C11orf52: variants seen among roughly 807,000 people sequenced by gnomAD.
The protein encoded by C11orf52 is chromosome 11 open reading frame 52.
A neutral mutation model predicts 11.7 loss-of-function variants in C11orf52; 9 were observed. The observed-to-expected ratio is 0.77, with a 90% confidence interval of 0.46 to 1.34. C11orf52 has a LOEUF of 1.34. C11orf52 is among the 40% of genes most tolerant of loss of function. C11orf52 has a pLI of 0.00. For synonymous variants in C11orf52, 49 were observed against 57.4 expected (o/e 0.85, Z 0.66); for missense variants, 139 against 154.8 (o/e 0.90, Z 0.54).
At chr11:111,921,402 A>G (rs899069336) in intron 1 of C11orf52, among the ~76,000 whole-genome samples, 16 of 152,246 alleles carry the variant, frequency 1.1e-4, no homozygotes, top group Non-Finnish European at 2.2e-4. Context: ...ATTAATGGGA[A>G]ATACGTAGCC....
chr11:111,920,624 C>T (rs782017892), intron 1 of C11orf52, among the ~76,000 whole-genome samples: 3 of 151,390 alleles, frequency 2.0e-5, no homozygotes, highest in South Asian at 2.1e-4. Flanking sequence ...ATTAGCTAGG[C>T]GTGGTGGTGC....
Position 111,924,328 on chromosome 11 carries a change from G to A in C11orf52, c.35G>A (p.Ser12Asn), listed in dbSNP as rs782794093. The part of the protein sequence containing the change: ...GNRVCCGGSW[S>N]CPSTFQKKKK... ...GTGATCTGTTTTTCCTATTACAGGA[G>A]CTGCCCATCAACTTTCCAGAAGAAA... is the stretch of plus-strand genomic sequence containing the variant. Residue 12 changes from serine to asparagine, a missense_variant and splice_region_variant, in exon 2 of 4, where the codon AGC becomes AAC. Physicochemically the swap from Ser to Asn is conservative, Grantham distance 46. Coordinates refer to ENST00000278601, the MANE Select transcript of C11orf52 (RefSeq NM_080659.3). 3 of 1,613,480 alleles carry A rather than the reference G, an allele frequency of 1.9e-6. No individual in the cohort carries two copies. The highest frequency in any genetic ancestry group is 4.5e-5 in the East Asian group (2 of 44,864).
At chr11:111,921,005 G>C (rs1566424740) in intron 1 of C11orf52, among the ~76,000 whole-genome samples, 1 of 151,990 alleles carries the variant, frequency 6.6e-6, no homozygotes, top group Non-Finnish European at 1.5e-5. Context: ...TTATCTGTGG[G>C]GTTGTTACTA....
At chr11:111,923,086 G>C (rs1205769752) in intron 1 of C11orf52, among the ~76,000 whole-genome samples, 2 of 152,144 alleles carry the variant, frequency 1.3e-5, no homozygotes, top group African/African-American at 2.4e-5. Context: ...AATATTTTCT[G>C]TATCCATTTA....
chr11:111,919,262 C>T (rs1555166325), intron 1 of C11orf52: 1 of 493,320 alleles, frequency 2.0e-6, no homozygotes, highest in African/African-American at 1.9e-5. Context: ...ATCACGAGGT[C>T]AGTAGATCGA....
chr11:111,924,150 A>T (rs1371090750), intron 1 of C11orf52, 176 bp from the exon 2 acceptor site: 2 of 612,412 alleles, frequency 3.3e-6, no homozygotes, highest in Non-Finnish European at 5.8e-6. Flanking sequence ...CATGTGGGAG[A>T]GGTGTGGTAC....
Position 111,925,633 on chromosome 11 carries a change from G to A in C11orf52, c.71-20G>A. ...GACAGGGAAGAGAGAATAAACTTAA[G>A]TTGGATTTCTTCCCCTCAGGAAGCC... On this transcript the variant is annotated intron_variant, in intron 2 of 3. Coordinates refer to ENST00000278601, the MANE Select transcript of C11orf52 (RefSeq NM_080659.3). The A allele has an allele frequency of 6.2e-7, 1 of 1,613,242 alleles. No homozygotes were observed. The highest frequency in any genetic ancestry group is 8.5e-7 in the Non-Finnish European group (1 of 1,179,168).
chr11:111,923,295 C>A (rs1555166684), intron 1 of C11orf52, among the ~76,000 whole-genome samples: 2 of 152,202 alleles, frequency 1.3e-5, no homozygotes, highest in Non-Finnish European at 2.9e-5. Context: ...GTCAACTGAG[C>A]AAGCTGTAGC....
Position 111,926,540 on chromosome 11 carries a change from G to A in C11orf52, c.*341G>A, listed in dbSNP as rs910293894. ...GAGCAGGTAAAAAGTTAGCCCATAAGCACGTGGGCTGATCTTGTTGGACTT... is the reference window on the plus strand; with the variant it reads ...GAGCAGGTAAAAAGTTAGCCCATAAACACGTGGGCTGATCTTGTTGGACTT... On this transcript the variant is annotated 3_prime_UTR_variant, in exon 4 of 4. Transcript: ENST00000278601. 40 of 324,028 alleles carry A rather than the reference G, an allele frequency of 1.2e-4. No homozygotes were observed. The highest frequency in any genetic ancestry group is 3.5e-5 in the Non-Finnish European group (6 of 172,758). 20.1% of individuals were successfully genotyped at this position (324,028 alleles called of 1,614,324 possible).
Position 111,926,413 on chromosome 11 carries a change from G to A in C11orf52, c.*214G>A, listed in dbSNP as rs1392580317. 1.8e-5 allele frequency: 12 copies of A among 683,524 alleles called. No homozygotes were observed. The East Asian group carries it at 2.8e-4, about 16-fold the overall frequency. 42.3% of individuals were successfully genotyped at this position (683,524 alleles called of 1,614,324 possible). ...GTTAATAGTTGGTTTAGCTATGGGT[G>A]GATAGCTAAACTTAGCTATCCACAT... On this transcript the variant is annotated 3_prime_UTR_variant, in exon 4 of 4. Transcript: ENST00000278601.
At chr11:111,920,598 T>C (rs1555166479) in intron 1 of C11orf52, among the ~76,000 whole-genome samples, 2 of 151,430 alleles carry the variant, frequency 1.3e-5, no homozygotes, top group East Asian at 3.9e-4. Context: ...GCCCCATCTC[T>C]ACAAAAAAAT....
intron 1 of C11orf52, among the ~76,000 whole-genome samples, chr11:111,921,638 C>T (rs782789900): frequency 5.9e-5 from 9 of 152,152 alleles, no homozygotes; most frequent in Non-Finnish European, 1.0e-4. Context: ...GGAGATGTAA[C>T]AGCTTCTTTT....
At position 111,924,393 on chromosome 11, in the gene C11orf52, G is replaced by T. The variant is rs587735907; in HGVS notation, c.70+30G>T. On this transcript the variant is annotated intron_variant, in intron 2 of 3. Transcript: ENST00000278601. ...CTTTGGGGCTGGGGGAGGGAATCTG[G>T]GGGAGGCAAATTAGAGAAGACAATA... The T allele has an allele frequency of 4.4e-6, 7 of 1,594,010 alleles. No homozygotes were observed. In the Admixed American group the frequency reaches 8.4e-5, roughly 19 times the overall value.
intron 1 of C11orf52, among the ~76,000 whole-genome samples, chr11:111,920,445 C>G (rs1007330250): frequency 6.6e-6 from 1 of 151,488 alleles, no homozygotes. Context: ...AGCTAAGGCA[C>G]GAGAATCCCT....
At position 111,926,239 on chromosome 11, in the gene C11orf52, A is replaced by G. The variant is rs781807003; in HGVS notation, c.*40A>G. ...GGCCCAGTCCATCGTTAACCACTAC[A>G]CCTGTGGGGGAGAACCTACTGCTTT... On this transcript the variant is annotated 3_prime_UTR_variant, in exon 4 of 4. Coordinates refer to ENST00000278601, the MANE Select transcript of C11orf52 (RefSeq NM_080659.3). 3.1e-6 allele frequency: 5 copies of G among 1,605,558 alleles called. No homozygotes were observed. The Admixed American group carries it at 8.4e-5, about 27-fold the overall frequency.
At chr11:111,919,122 G>A in intron 1 of C11orf52, 118 bp downstream of exon 1, 1 of 1,119,604 alleles carries the variant, frequency 8.9e-7, no homozygotes. Context: ...ACCTTCCTCT[G>A]CCTGGTACCT....
At position 111,926,157 on chromosome 11, in the gene C11orf52, G is replaced by A; in HGVS notation, c.330G>A (p.Gln110=). The A allele has an allele frequency of 6.2e-7, 1 of 1,614,236 alleles. No homozygotes were observed. The highest frequency in any genetic ancestry group is 8.5e-7 in the Non-Finnish European group (1 of 1,180,048). Residue 110 remains glutamine (Q), a synonymous_variant, in exon 4 of 4, where the codon CAG becomes CAA. Transcript: ENST00000278601. ...ATEYATLRFP[Q]ATPRYDSKNG... is the part of the protein sequence containing the mutation. ...AGTATGCGACCCTTCGCTTCCCCCA[G>A]GCCACACCTCGCTATGACAGCAAGA...
In C11orf52 at chr11:111,926,025, T is replaced by A. The variant is rs1319681121; in HGVS notation, c.198T>A (p.Ser66Arg). The A allele has an allele frequency of 2.5e-6, 4 of 1,613,740 alleles. No individual in the cohort carries two copies. In the African/African-American group the frequency reaches 5.3e-5, roughly 22 times the overall value. Reference sequence around the variant, plus strand: ...AGCAGCAAGGGTCTCAAGAGAGGAGTCCAGGCCTCATGTCGGAAGACAGCA... The same window carrying A: ...AGCAGCAAGGGTCTCAAGAGAGGAGACCAGGCCTCATGTCGGAAGACAGCA... ...VLQQQGSQER[S>R]PGLMSEDSNL... is the part of the protein sequence containing the mutation. Residue 66 changes from serine (S) to arginine (R), a missense_variant, in exon 4 of 4, where the codon AGT (serine) becomes AGA (arginine). By Grantham distance (110) the Ser-to-Arg change is moderately radical. Transcript: ENST00000278601.
At chr11:111,923,174 C>T (rs1965727853) in intron 1 of C11orf52, among the ~76,000 whole-genome samples, 1 of 152,230 alleles carries the variant, frequency 6.6e-6, no homozygotes, top group East Asian at 1.9e-4. Context: ...ATAAGGCTGA[C>T]TGAGCAGCAG....
Sources: allele counts gnomAD v4.1 joint callset (sites outside exome capture counted in the v4.1 genomes callset), GRCh38; gene constraint gnomAD v4.1.1; transcripts MANE v1.5; gene names NCBI Gene and HGNC (gene_info 2026-07-23, HGNC 2026-07-21).